Variants in CHCHD6 observed in about 807,000 individuals in gnomAD.
The protein encoded by CHCHD6 is MICOS complex subunit MIC25.
CHCHD6 carries 28 observed loss-of-function variants against 32.3 expected under a neutral mutation model. That is an observed-to-expected ratio of 0.87 (90% CI 0.64 to 1.19). The LOEUF (loss-of-function observed/expected upper bound fraction) is 1.19, where lower values mean the gene tolerates loss of function less well. Among genes scored for constraint, CHCHD6 ranks in the 50% most tolerant of loss-of-function variants. The pLI is 0.00. For synonymous variants in CHCHD6, 122 were observed against 117.5 expected (o/e 1.04, Z -0.25); for missense variants, 333 against 307.0 (o/e 1.08, Z -0.63).
intron 6 of CHCHD6, among the ~76,000 whole-genome samples, chr3:126,932,001 G>C (rs1559929624): frequency 6.6e-6 from 1 of 152,206 alleles, no homozygotes; most frequent in Non-Finnish European, 1.5e-5. Flanking sequence ...TTCAGGGCCT[G>C]GTCCTTCTTG....
intron 4 of CHCHD6, among the ~76,000 whole-genome samples, chr3:126,832,772 G>A (rs1310409101): frequency 6.6e-6 from 1 of 152,164 alleles, no homozygotes; most frequent in Non-Finnish European, 1.5e-5. Flanking sequence ...CTGACCCAGA[G>A]AAAGGGGGAG....
At chr3:126,819,937 C>T (rs1940079358) in intron 4 of CHCHD6, among the ~76,000 whole-genome samples, 1 of 152,224 alleles carries the variant, frequency 6.6e-6, no homozygotes, top group Admixed American at 6.5e-5. Context: ...GTCTGGTCAG[C>T]TGTCTGGGCT....
At chr3:126,766,647 T>C in intron 4 of CHCHD6, 1 of 1,024,502 alleles carries the variant, frequency 9.8e-7, no homozygotes, top group South Asian at 1.3e-5. Flanking sequence ...GCCCCAGCTA[T>C]GGTGCTCTCT....
intron 4 of CHCHD6, among the ~76,000 whole-genome samples, chr3:126,738,630 G>A (rs180871615): frequency 2.1e-4 from 32 of 152,192 alleles, no homozygotes; most frequent in African/African-American, 7.2e-4. Flanking sequence ...AGTGGGTGAG[G>A]GTTTGGATGT....
chr3:126,742,014 T>G (rs1936306265), intron 4 of CHCHD6, among the ~76,000 whole-genome samples: 1 of 152,202 alleles, frequency 6.6e-6, no homozygotes, highest in Non-Finnish European at 1.5e-5. Context: ...AGATGCTCTT[T>G]TCTCTGCCAG....
intron 6 of CHCHD6, among the ~76,000 whole-genome samples, chr3:126,932,932 G>A (rs1478746175): frequency 6.6e-6 from 1 of 152,174 alleles, no homozygotes; most frequent in East Asian, 1.9e-4. Context: ...TTTGAAGATT[G>A]TTGTTTACTG....
intron 1 of CHCHD6, among the ~76,000 whole-genome samples, chr3:126,714,076 C>CAAAAAAAAA (rs1157910763): frequency 6.9e-5 from 2 of 28,882 alleles, no homozygotes; most frequent in African/African-American, 2.5e-4. Flanking sequence ...GACTGCATCT[C>CAAAAAAAAA]AAAAAAAAAA....
In CHCHD6 at chr3:126,850,668, T is replaced by C. The variant is rs575196789; in HGVS notation, c.412-1979T>C. Among the ~76,000 whole-genome samples, 5 of 152,270 alleles carry C rather than the reference T, an allele frequency of 3.3e-5. No homozygotes were observed. The South Asian group carries it at 1.0e-3, about 32-fold the overall frequency. On this transcript the variant is annotated intron_variant, in intron 4 of 7. Coordinates refer to ENST00000290913, the MANE Select transcript of CHCHD6 (RefSeq NM_032343.3). ...GATGGTTTTGCCTTCAGATGTCATC[T>C]TCCTGCTTGGCTGGGACTGCTGGTC...
chr3:126,801,929 C>T (rs1288077736), intron 4 of CHCHD6, among the ~76,000 whole-genome samples: 6 of 152,194 alleles, frequency 3.9e-5, no homozygotes, highest in Non-Finnish European at 5.9e-5. Flanking sequence ...TCTGCAGGCA[C>T]CGCTGCTGAT....
chr3:126,797,167 C>G (rs1385503934), intron 4 of CHCHD6, among the ~76,000 whole-genome samples: 1 of 152,184 alleles, frequency 6.6e-6, no homozygotes, highest in African/African-American at 2.4e-5. Flanking sequence ...CTGAGGCTCT[C>G]TAGCCCGGCG....
At chr3:126,757,886 A>G (rs886770184) in intron 4 of CHCHD6, among the ~76,000 whole-genome samples, 20 of 152,310 alleles carry the variant, frequency 1.3e-4, no homozygotes, top group African/African-American at 4.8e-4. Context: ...GAGGAGAAAG[A>G]GGAAGAAAAG....
At chr3:126,863,138 C>T (rs556884175) in intron 5 of CHCHD6, among the ~76,000 whole-genome samples, 3 of 112,268 alleles carry the variant, frequency 2.7e-5, no homozygotes, top group African/African-American at 1.1e-4. Flanking sequence ...ACCTCCTCCT[C>T]CTCCTCCACC....
chr3:126,846,453 C>G (rs1941299084), intron 4 of CHCHD6, among the ~76,000 whole-genome samples: 1 of 152,192 alleles, frequency 6.6e-6, no homozygotes, highest in Non-Finnish European at 1.5e-5. Context: ...AAGACCAAGA[C>G]TATGTATGTG....
chr3:126,787,487 C>T (rs1938277633), intron 4 of CHCHD6, among the ~76,000 whole-genome samples: 1 of 152,050 alleles, frequency 6.6e-6, no homozygotes, highest in South Asian at 2.1e-4. Flanking sequence ...TGTTTGTATC[C>T]TCTTTTATTT....
intron 1 of CHCHD6, among the ~76,000 whole-genome samples, chr3:126,708,330 C>T (rs1032211478): frequency 2.6e-5 from 4 of 152,176 alleles, no homozygotes; most frequent in African/African-American, 9.7e-5. Context: ...TCTCTGACTC[C>T]ATAGCCCATG....
At chr3:126,879,503 T>C (rs1040518352) in intron 5 of CHCHD6, among the ~76,000 whole-genome samples, 3 of 152,224 alleles carry the variant, frequency 2.0e-5, no homozygotes, top group Non-Finnish European at 2.9e-5. Context: ...CAAGTCTATA[T>C]TGAAGGATGA....
intron 4 of CHCHD6, among the ~76,000 whole-genome samples, chr3:126,737,993 C>G (rs976748212): frequency 3.3e-5 from 5 of 152,130 alleles, no homozygotes; most frequent in African/African-American, 1.2e-4. Context: ...AATCAAGAAG[C>G]TAAGGTCAAA....
intron 4 of CHCHD6, among the ~76,000 whole-genome samples, chr3:126,758,252 C>T (rs768702910): frequency 5.9e-5 from 9 of 152,230 alleles, no homozygotes; most frequent in African/African-American, 1.4e-4. Context: ...CTGCCCTCAG[C>T]GTCCCTTCCA....
chr3:126,824,810 C>T (rs897302824), intron 4 of CHCHD6, among the ~76,000 whole-genome samples: 7 of 151,938 alleles, frequency 4.6e-5, no homozygotes, highest in African/African-American at 1.7e-4. Flanking sequence ...AACTCCCAAT[C>T]TCAGGTGATC....
Sources: gnomAD v4.1 joint callset for allele counts (sites outside exome capture counted in the v4.1 genomes callset) on GRCh38, gnomAD v4.1.1 for gene constraint, MANE v1.5 for transcripts, NCBI Gene and HGNC (gene_info 2026-07-23, HGNC 2026-07-21) for gene names.